MACROD2: variants seen among roughly 807,000 people sequenced by gnomAD.
MACROD2 encodes the protein mono-ADP ribosylhydrolase 2.
A neutral mutation model predicts 70.4 loss-of-function variants in MACROD2; 36 were observed. The ratio of observed to expected loss-of-function variants is 0.51; its 90% confidence interval spans 0.39 to 0.68. MACROD2 has a LOEUF of 0.68. Ranked by LOEUF, MACROD2 falls within the 30% of genes least tolerant of loss-of-function variation. MACROD2 has a pLI of 0.00. For synonymous variants in MACROD2, 172 were observed against 178.8 expected, an observed-to-expected ratio of 0.96 and a Z score of 0.30; for missense variants, 496 against 538.4, an observed-to-expected ratio of 0.92 and a Z score of 0.78.
chr20:15,088,419 AT>A (rs1568567314), intron 5 of MACROD2, among the ~76,000 whole-genome samples: 17 of 30,026 alleles, frequency 5.7e-4, no homozygotes, highest in Non-Finnish European at 9.0e-4. Context: ...ATATATATAT[AT>A]ATATATATAT....
At chr20:14,277,480 G>T (rs762726201) in intron 3 of MACROD2, among the ~76,000 whole-genome samples, 9 of 152,052 alleles carry the variant, frequency 5.9e-5, no homozygotes, top group Admixed American at 1.3e-4. Context: ...CTCAGAAAAT[G>T]GTTTCCAAAA....
At chr20:14,220,635 G>T (rs2081663921) in intron 3 of MACROD2, among the ~76,000 whole-genome samples, 1 of 152,100 alleles carries the variant, frequency 6.6e-6, no homozygotes, top group Non-Finnish European at 1.5e-5. Flanking sequence ...TTCTCCCATT[G>T]GATCCCTGGG....
Position 14,556,560 on chromosome 20 carries a change from C to A in MACROD2, c.301+63052C>A, listed in dbSNP as rs1339887989. On this transcript the variant is annotated intron_variant, in intron 4 of 17. Coordinates refer to ENST00000684519, the MANE Select transcript of MACROD2 (RefSeq NM_001351661.2). ...AATTTTTGGCAGTATCTGCCAAACA[C>A]CACTGGAAAACTCACATCTTACTCC... Among the ~76,000 whole-genome samples the A allele has an allele frequency of 8.5e-4, 130 of 152,138 alleles. 3 individuals are homozygous for A. The highest frequency in any genetic ancestry group is 1.5e-4 in the Non-Finnish European group (10 of 67,960).
intron 3 of MACROD2, among the ~76,000 whole-genome samples, chr20:14,111,994 T>C (rs1444242243): frequency 6.6e-6 from 1 of 151,864 alleles, no homozygotes; most frequent in Admixed American, 6.6e-5. Context: ...GAAAATATGG[T>C]AGGTACATAT....
At chr20:15,174,991 C>T (rs2076449240) in intron 5 of MACROD2, among the ~76,000 whole-genome samples, 1 of 151,938 alleles carries the variant, frequency 6.6e-6, no homozygotes, top group African/African-American at 2.4e-5. Context: ...TTTTGCTGTG[C>T]AGAAGCTCTT....
chr20:14,460,167 A>G (rs1432420124), intron 3 of MACROD2, among the ~76,000 whole-genome samples: 1 of 152,120 alleles, frequency 6.6e-6, no homozygotes, highest in Non-Finnish European at 1.5e-5. Context: ...GCTATTGTGA[A>G]TAGTGCTGCA....
chr20:14,088,473 T>A (rs2148671157), intron 3 of MACROD2, among the ~76,000 whole-genome samples: 1 of 89,858 alleles, frequency 1.1e-5, no homozygotes, highest in East Asian at 3.2e-4. Flanking sequence ...TGTATGTACA[T>A]ATGTATATAA....
At chr20:15,193,048 C>T (rs933438126) in intron 5 of MACROD2, among the ~76,000 whole-genome samples, 1 of 152,120 alleles carries the variant, frequency 6.6e-6, no homozygotes, top group Admixed American at 6.5e-5. Context: ...AGAAGCAAAT[C>T]TGAGTTTTCG....
intron 4 of MACROD2, among the ~76,000 whole-genome samples, chr20:14,526,970 T>TACG: frequency 6.6e-6 from 1 of 152,260 alleles, no homozygotes; most frequent in Admixed American, 6.5e-5. Context: ...CTTGGTGTTG[T>TACG]ACGGATCATA....
At chr20:14,159,807 T>C (rs1405629967) in intron 3 of MACROD2, among the ~76,000 whole-genome samples, 1 of 152,170 alleles carries the variant, frequency 6.6e-6, no homozygotes, top group Non-Finnish European at 1.5e-5. Flanking sequence ...TTCTAGTTCT[T>C]AGAGAAAAGG....
chr20:14,237,247 C>T lies in MACROD2; in HGVS notation c.271+151519C>T, dbSNP rs181241346. Among the ~76,000 whole-genome samples, 421 of 151,944 alleles carry T rather than the reference C, an allele frequency of 2.8e-3. 5 individuals are homozygous for T. The highest frequency in any genetic ancestry group is 9.5e-3 in the African/African-American group (392 of 41,478). On this transcript the variant is annotated intron_variant, in intron 3 of 17. Transcript: ENST00000684519. ...TTTCATTACAATTATGAATACCTGT[C>T]GATTTATGTGTGTATATATAAATAC...
At position 15,864,594 on chromosome 20, in the gene MACROD2, A is replaced by T. The variant is rs531414224; in HGVS notation, c.727+1768A>T. On this transcript the variant is annotated intron_variant, in intron 9 of 17. Transcript: ENST00000684519. Reference sequence around the variant, plus strand: ...TCAGCAGGTATTTCCAATGATGCACAGTCAAAAAGCATACTGCAAATTTTT... The same window carrying T: ...TCAGCAGGTATTTCCAATGATGCACTGTCAAAAAGCATACTGCAAATTTTT... Among the ~76,000 whole-genome samples, 3 of 152,302 alleles carry T rather than the reference A, an allele frequency of 2.0e-5. No homozygotes were observed. The East Asian group carries it at 5.8e-4, about 29-fold the overall frequency.
At position 15,899,147 on chromosome 20, in the gene MACROD2, G is replaced by GTA. The variant is rs74196729; in HGVS notation, c.775+13344_775+13345dup. 3.8e-3 allele frequency among the ~76,000 whole-genome samples: 582 copies of GTA among 151,804 alleles called. 2 individuals carry two copies. The highest frequency in any genetic ancestry group is 0.023 in the South Asian group (113 of 4,822). On this transcript the variant is annotated intron_variant, in intron 10 of 17. Coordinates refer to ENST00000684519, the MANE Select transcript of MACROD2 (RefSeq NM_001351661.2). ...TGTATGCACATACAAATATATGGGTGTATATATATCTGTAGGTATGTGCTA... is the reference window on the plus strand; with the variant it reads ...TGTATGCACATACAAATATATGGGTGTATATATATATCTGTAGGTATGTGCTA...
intron 8 of MACROD2, among the ~76,000 whole-genome samples, chr20:15,818,352 G>T (rs569774897): frequency 1.3e-5 from 2 of 152,156 alleles, no homozygotes; most frequent in Non-Finnish European, 2.9e-5. Context: ...AAAAGGGTGG[G>T]CAATTCCCAG....
chr20:15,220,276 T>C (rs562480095), intron 5 of MACROD2, among the ~76,000 whole-genome samples: 27 of 152,332 alleles, frequency 1.8e-4, no homozygotes, highest in African/African-American at 6.3e-4. Context: ...CCTGATTAGA[T>C]TGATTATATC....
intron 10 of MACROD2, among the ~76,000 whole-genome samples, chr20:15,899,966 G>A (rs1489689124): frequency 6.6e-6 from 1 of 151,892 alleles, no homozygotes; most frequent in African/African-American, 2.4e-5. Context: ...ACCATTTATG[G>A]AACGTAGCTT....
intron 7 of MACROD2, among the ~76,000 whole-genome samples, chr20:15,447,514 T>G (rs1349396675): frequency 6.6e-6 from 1 of 152,164 alleles, no homozygotes; most frequent in Non-Finnish European, 1.5e-5. Flanking sequence ...TTCCCTTATT[T>G]TCCTACCAGG....
intron 8 of MACROD2, among the ~76,000 whole-genome samples, chr20:15,725,949 T>C (rs2050856399): frequency 6.6e-6 from 1 of 152,142 alleles, no homozygotes; most frequent in South Asian, 2.1e-4. Flanking sequence ...GGTAAACCTT[T>C]ATATAGGTAA....
intron 4 of MACROD2, among the ~76,000 whole-genome samples, chr20:14,544,703 G>T (rs961131793): frequency 6.6e-6 from 1 of 152,116 alleles, no homozygotes; most frequent in Non-Finnish European, 1.5e-5. Flanking sequence ...AAAAAGTAGG[G>T]CAGAGAAGGA....
Sources: gnomAD v4.1 joint callset for allele counts (sites outside exome capture counted in the v4.1 genomes callset) on GRCh38, gnomAD v4.1.1 for gene constraint, MANE v1.5 for transcripts, NCBI Gene and HGNC (gene_info 2026-07-23, HGNC 2026-07-21) for gene names.